The following SLIT3 variants were observed in gnomAD, a reference collection of about 807,000 sequenced individuals.
The protein encoded by SLIT3 is slit guidance ligand 3.
Under a neutral mutation model 184.0 loss-of-function variants are expected in SLIT3, and 68 were observed. The observed-to-expected ratio is 0.37, with a 90% CI of 0.30 to 0.45. The LOEUF (loss-of-function observed/expected upper bound fraction) is 0.45. Ranked by LOEUF, SLIT3 falls within the 20% of genes least tolerant of loss-of-function variation. The pLI, the probability that SLIT3 is intolerant of heterozygous loss-of-function variation, is 1.00. For missense variants in SLIT3, 1,707 were observed against 2,026.0 expected (o/e 0.84, Z 3.02); for synonymous variants, 831 against 828.6 (o/e 1.00, Z -0.05).
In SLIT3 at chr5:168,782,270, A is replaced by G. The variant is rs186753615; in HGVS notation, c.1151+3637T>C. On this transcript the variant is annotated intron_variant, in intron 12 of 35. Transcript: ENST00000519560. ...GTTTAAGACCACCTGGAGCGGGTTT[A>G]AAAGCTTCCACCTCAAATGACTGCC... Among the ~76,000 whole-genome samples the G allele has an allele frequency of 1.0e-3, 159 of 152,316 alleles. 1 individual carries two copies. Among genetic ancestry groups the G allele is most frequent in the African/African-American group, 3.0e-3 (126 of 41,574 alleles).
intron 4 of SLIT3, among the ~76,000 whole-genome samples, chr5:169,001,157 C>A (rs1333782508): frequency 6.6e-6 from 1 of 152,214 alleles, no homozygotes; most frequent in Non-Finnish European, 1.5e-5. Flanking sequence ...AAATGAGCAT[C>A]TGATGAGGAT....
At chr5:169,160,371 T>C (rs955945983) in intron 4 of SLIT3, among the ~76,000 whole-genome samples, 1 of 152,226 alleles carries the variant, frequency 6.6e-6, no homozygotes, top group South Asian at 2.1e-4. Context: ...CCTAGGCTAT[T>C]AACCTTTATT....
chr5:168,738,110 T>C (rs757863617), intron 20 of SLIT3, among the ~76,000 whole-genome samples: 1 of 152,202 alleles, frequency 6.6e-6, no homozygotes, highest in Non-Finnish European at 1.5e-5. Flanking sequence ...CAAAGTGTCA[T>C]CCATAGACCC....
chr5:169,181,396 A>G (rs1023694400), intron 4 of SLIT3, among the ~76,000 whole-genome samples: 5 of 152,146 alleles, frequency 3.3e-5, no homozygotes, highest in South Asian at 2.1e-4. Context: ...AGTAAAACTG[A>G]TGATTTTTCA....
chr5:168,950,755 G>A (rs1024846353), intron 4 of SLIT3, among the ~76,000 whole-genome samples: 1 of 152,214 alleles, frequency 6.6e-6, no homozygotes, highest in African/African-American at 2.4e-5. Context: ...TAGGTCTGAA[G>A]AGCAGATTCA....
intron 4 of SLIT3, among the ~76,000 whole-genome samples, chr5:168,979,554 A>T (rs571645927): frequency 6.6e-6 from 1 of 152,286 alleles, no homozygotes; most frequent in Admixed American, 6.5e-5. Context: ...TTACACAAAG[A>T]AAGTTCTCTC....
chr5:168,905,524 G>A (rs954800762), intron 4 of SLIT3, among the ~76,000 whole-genome samples: 8 of 152,198 alleles, frequency 5.3e-5, no homozygotes, highest in African/African-American at 1.4e-4. Context: ...AAAATATGAG[G>A]AGTCATGGTT....
intron 4 of SLIT3, among the ~76,000 whole-genome samples, chr5:169,127,107 A>C (rs564166723): frequency 6.6e-6 from 1 of 152,312 alleles, no homozygotes; most frequent in South Asian, 2.1e-4. Context: ...CAAGGAAGCC[A>C]TTTCAAGATG....
intron 4 of SLIT3, among the ~76,000 whole-genome samples, chr5:169,185,100 GAC>G (rs1013102533): frequency 6.6e-6 from 1 of 152,168 alleles, no homozygotes; most frequent in African/African-American, 2.4e-5. Context: ...CAGAGAGAAT[GAC>G]ACAGCAACCA....
At chr5:169,102,305 T>C (rs1760050099) in intron 4 of SLIT3, among the ~76,000 whole-genome samples, 1 of 152,206 alleles carries the variant, frequency 6.6e-6, no homozygotes, top group East Asian at 1.9e-4. Context: ...TCAAAGAACA[T>C]AGACATTTTT....
chr5:168,947,209 G>A (rs906143044), intron 4 of SLIT3, among the ~76,000 whole-genome samples: 1 of 152,178 alleles, frequency 6.6e-6, no homozygotes, highest in African/African-American at 2.4e-5. Context: ...AAACTAAAAG[G>A]CTGAAAGAGA....
At chr5:168,848,169 G>T (rs929470506) in intron 5 of SLIT3, among the ~76,000 whole-genome samples, 1 of 152,230 alleles carries the variant, frequency 6.6e-6, no homozygotes, top group Non-Finnish European at 1.5e-5. Context: ...AATGGTTGCA[G>T]AATGAGTCCT....
rs180697983 is a variant in SLIT3 at position 168,775,077 on chromosome 5, G to A, written c.1152-699C>T. Among the ~76,000 whole-genome samples, 442 of 144,038 alleles carry A rather than the reference G, an allele frequency of 3.1e-3. 3 individuals are homozygous for A. The highest frequency in any genetic ancestry group is 9.7e-3 in the African/African-American group (375 of 38,638). The allele number at this position is 144,038 out of a possible 152,430, so 94.5% of individuals were successfully genotyped here. A position where few individuals can be genotyped will look rare whatever the true frequency, so the allele number is the denominator to read the frequency against. On this transcript the variant is annotated intron_variant, in intron 12 of 35. Transcript: ENST00000519560. ...TTTGAGATGGAGTCTTGCTCTTGTC[G>A]CCCAGGCTGGAGTTCAATGGCGTGA...
intron 3 of SLIT3, among the ~76,000 whole-genome samples, chr5:169,221,268 T>C (rs919924395): frequency 2.0e-5 from 3 of 152,238 alleles, no homozygotes; most frequent in African/African-American, 4.8e-5. Flanking sequence ...GAAAATCTCA[T>C]GATTCCATTA....
At chr5:168,991,104 T>TA (rs755418817) in intron 4 of SLIT3, among the ~76,000 whole-genome samples, 143 of 152,318 alleles carry the variant, frequency 9.4e-4, no homozygotes, top group Non-Finnish European at 1.7e-3. Flanking sequence ...TCTTATTAGA[T>TA]ACTATACTAG....
intron 9 of SLIT3, among the ~76,000 whole-genome samples, chr5:168,804,330 A>AAAAAC (rs1452228507): frequency 0.056 from 7,223 of 129,160 alleles, 520 homozygotes; most frequent in East Asian, 0.15. Context: ...AAAAAAAAAA[A>AAAAAC]AAAAAAAAAG....
At chr5:169,094,258 G>T (rs1390577027) in intron 4 of SLIT3, among the ~76,000 whole-genome samples, 4 of 152,212 alleles carry the variant, frequency 2.6e-5, no homozygotes, top group Non-Finnish European at 5.9e-5. Context: ...AGAGGCTCAT[G>T]AAGTTAAACG....
intron 4 of SLIT3, among the ~76,000 whole-genome samples, chr5:168,952,550 A>AAAG (rs59047961): frequency 0.011 from 1,422 of 127,744 alleles, 42 homozygotes; most frequent in African/African-American, 0.047. Context: ...AAAAAAAAAG[A>AAAG]GGGGAGAAGG....
chr5:169,269,372 C>G (rs1177666890), intron 1 of SLIT3, among the ~76,000 whole-genome samples: 1 of 152,250 alleles, frequency 6.6e-6, no homozygotes, highest in East Asian at 1.9e-4. Context: ...CTCCTCCACT[C>G]TCTATGGTTC....
Sources: allele counts gnomAD v4.1 joint callset (sites outside exome capture counted in the v4.1 genomes callset), GRCh38; gene constraint gnomAD v4.1.1; transcripts MANE v1.5; gene names NCBI Gene and HGNC (gene_info 2026-07-23, HGNC 2026-07-21).